The following CPS1 variants were observed in gnomAD, a reference collection of about 807,000 sequenced individuals.
The protein encoded by CPS1 is carbamoyl-phosphate synthase 1.
In CPS1, 109 loss-of-function variants were observed where a neutral mutation model predicts 174.6. The observed-to-expected ratio is 0.62, with a 90% CI of 0.53 to 0.73. The LOEUF (loss-of-function observed/expected upper bound fraction) is 0.73, where lower values mean the gene tolerates loss of function less well. Ranked by LOEUF, CPS1 falls within the 30% of genes least tolerant of loss-of-function variation. The pLI is 0.00. For synonymous variants in CPS1, 637 were observed against 632.0 expected (o/e 1.01, Z -0.12); for missense variants, 1,689 against 1,821.9 (o/e 0.93, Z 1.33).
intron 10 of CPS1, among the ~76,000 whole-genome samples, chr2:210,592,439 G>T (rs1698339235): frequency 6.6e-6 from 1 of 151,860 alleles, no homozygotes; most frequent in Non-Finnish European, 1.5e-5. Context: ...ATGTTAGTGG[G>T]CTGTTGGTCC....
chr2:210,567,896 G>A (rs1697354487), intron 1 of CPS1, among the ~76,000 whole-genome samples: 1 of 152,136 alleles, frequency 6.6e-6, no homozygotes, highest in South Asian at 2.1e-4. Context: ...AAGTCAGTGA[G>A]CATCAAATAA....
In CPS1 at chr2:210,612,261, C is replaced by T. The variant is rs200069420; in HGVS notation, c.2536C>T (p.Pro846Ser). Residue 846 changes from proline (P) to serine (S), a missense_variant, in exon 20 of 38, where the codon CCA (proline) becomes TCA (serine). By Grantham distance (74) the Pro-to-Ser change is moderately conservative. Coordinates refer to ENST00000233072, the MANE Select transcript of CPS1 (RefSeq NM_001875.5). ...AGATCTTAGAAAAGAGTTGTCTGAACCAAGCAGCACGCGTATCTATGCCAT... is the reference window on the plus strand; with the variant it reads ...AGATCTTAGAAAAGAGTTGTCTGAATCAAGCAGCACGCGTATCTATGCCAT... The part of the protein sequence containing the change: ...NLDLRKELSE[P>S]SSTRIYAIAK... 11 of 1,612,068 alleles carry T rather than the reference C, an allele frequency of 6.8e-6. No homozygotes were observed.
chr2:210,653,242 A>C (rs769406219), intron 28 of CPS1, among the ~76,000 whole-genome samples: 1 of 152,142 alleles, frequency 6.6e-6, no homozygotes, highest in Non-Finnish European at 1.5e-5. Flanking sequence ...GTTTTAGCCT[A>C]TGGTACAGAG....
At chr2:210,570,937 T>C (rs1343118726) in intron 1 of CPS1, among the ~76,000 whole-genome samples, 1 of 152,006 alleles carries the variant, frequency 6.6e-6, no homozygotes, top group African/African-American at 2.4e-5. Context: ...CACTGAATAC[T>C]ATCACTCTTA....
chr2:210,595,566 C>T lies in CPS1; in HGVS notation c.1343C>T (p.Ala448Val). The stretch of plus-strand genomic sequence containing the variant: ...GAATTTGATTACTCAGGATCTCAAG[C>T]TGTAAAAGCCATGAAGGTGAGAGAA... ...AGEFDYSGSQ[A>V]VKAMKEENVK... Residue 448 changes from alanine (A) to valine (V), a missense_variant, in exon 13 of 38, where the codon GCT becomes GTT. Coordinates refer to ENST00000233072, the MANE Select transcript of CPS1 (RefSeq NM_001875.5). 1 of 1,609,906 alleles carries T rather than the reference C, an allele frequency of 6.2e-7. No individual in the cohort carries two copies. The highest frequency in any genetic ancestry group is 1.1e-5 in the South Asian group (1 of 90,984).
intron 1 of CPS1, among the ~76,000 whole-genome samples, chr2:210,544,311 G>T (rs1696508268): frequency 6.6e-6 from 1 of 152,034 alleles, no homozygotes. Flanking sequence ...CAGCTCATTT[G>T]ATGAGGTACA....
intron 33 of CPS1, among the ~76,000 whole-genome samples, chr2:210,666,612 G>A (rs1201755112): frequency 6.6e-6 from 1 of 152,070 alleles, no homozygotes; most frequent in Non-Finnish European, 1.5e-5. Flanking sequence ...GTTTTTCTCA[G>A]GTTTGTCAAA....
intron 4 of CPS1, among the ~76,000 whole-genome samples, chr2:210,578,298 C>T (rs537081980): frequency 6.6e-5 from 10 of 151,986 alleles, no homozygotes; most frequent in South Asian, 2.1e-4. Flanking sequence ...TTAGTAGAGA[C>T]GGGGTTTCAC....
chr2:210,580,104 G>A (rs1258847663), intron 5 of CPS1, among the ~76,000 whole-genome samples: 1 of 152,038 alleles, frequency 6.6e-6, no homozygotes, highest in Admixed American at 6.6e-5. Context: ...AAGTGGAGAA[G>A]GTAACAAATT....
intron 32 of CPS1, 40 bp from the exon 33 acceptor site, chr2:210,663,083 C>A (rs768251503): frequency 6.4e-7 from 1 of 1,561,300 alleles, no homozygotes; most frequent in African/African-American, 1.4e-5. Flanking sequence ...CTACTTTTCC[C>A]TCACATAATT....
In CPS1 at chr2:210,588,141, A is replaced by C; in HGVS notation, c.705A>C (p.Leu235=). ...CGIKNNVIRL[L]VKRGAEVHLV... ...TTAAAAACAATGTAATCCGCCTGCT[A>C]GTAAAGGTAAGTAATTTGTTCATTT... Residue 235 remains leucine, a synonymous_variant, in exon 7 of 38, where the codon CTA becomes CTC. Coordinates refer to ENST00000233072, the MANE Select transcript of CPS1 (RefSeq NM_001875.5). The C allele has an allele frequency of 1.2e-6, 2 of 1,611,902 alleles. No individual in the cohort carries two copies. The highest frequency in any genetic ancestry group is 8.5e-7 in the Non-Finnish European group (1 of 1,178,342).
intron 5 of CPS1, among the ~76,000 whole-genome samples, chr2:210,581,609 A>C (rs1697925820): frequency 6.6e-6 from 1 of 152,174 alleles, no homozygotes; most frequent in Admixed American, 6.6e-5. Context: ...TATAAAAGTA[A>C]ATACAGGCCA....
At chr2:210,513,571 T>C (rs1695591163) in intron 1 of CPS1, among the ~76,000 whole-genome samples, 1 of 152,032 alleles carries the variant, frequency 6.6e-6, no homozygotes, top group South Asian at 2.1e-4. Context: ...TTGAAGTTGC[T>C]TATAGATTCC....
intron 1 of CPS1, among the ~76,000 whole-genome samples, chr2:210,542,543 G>A (rs559357115): frequency 3.3e-5 from 5 of 151,778 alleles, no homozygotes; most frequent in Non-Finnish European, 5.9e-5. Context: ...GGGTGCAAAC[G>A]TCCCCCCTCC....
chr2:210,502,395 G>A (rs1695163644), intron 1 of CPS1, among the ~76,000 whole-genome samples: 1 of 144,430 alleles, frequency 6.9e-6, no homozygotes, highest in Non-Finnish European at 1.5e-5. Flanking sequence ...TTATATATAT[G>A]TATATTTTAT....
At chr2:210,646,951 A>T (rs1700395939) in intron 25 of CPS1, among the ~76,000 whole-genome samples, 1 of 151,784 alleles carries the variant, frequency 6.6e-6, no homozygotes, top group African/African-American at 2.4e-5. Flanking sequence ...TTTTTTCTTG[A>T]AGTTTTGACT....
intron 1 of CPS1, among the ~76,000 whole-genome samples, chr2:210,566,548 A>G (rs1340328858): frequency 6.6e-6 from 1 of 152,236 alleles, no homozygotes; most frequent in African/African-American, 2.4e-5. Flanking sequence ...ATAAATTTAA[A>G]TAGAGTTCAT....
chr2:210,625,414 G>A (rs936269903), intron 21 of CPS1, among the ~76,000 whole-genome samples: 1 of 152,050 alleles, frequency 6.6e-6, no homozygotes, highest in Non-Finnish European at 1.5e-5. Flanking sequence ...AGAAACAAAA[G>A]CTCTTAGCTA....
intron 1 of CPS1, among the ~76,000 whole-genome samples, chr2:210,533,157 A>G (rs747156834): frequency 2.0e-5 from 3 of 152,134 alleles, no homozygotes; most frequent in Non-Finnish European, 4.4e-5. Flanking sequence ...TGTCTTTCCC[A>G]TACTACTTCC....
Sources: gnomAD v4.1 joint callset for allele counts (sites outside exome capture counted in the v4.1 genomes callset) on GRCh38, gnomAD v4.1.1 for gene constraint, MANE v1.5 for transcripts, NCBI Gene and HGNC (gene_info 2026-07-23, HGNC 2026-07-21) for gene names.